The following WDR72 variants were observed in gnomAD, a reference collection of about 807,000 sequenced individuals.
WDR72 encodes WD repeat domain 72.
A neutral mutation model predicts 124.2 loss-of-function variants in WDR72; 120 were observed. The observed-to-expected ratio is 0.97, with a 90% confidence interval of 0.83 to 1.12. WDR72 has a LOEUF of 1.12. Ranked by LOEUF, WDR72 falls within the 50% of genes most tolerant of loss-of-function variation. The pLI is 0.00. For synonymous variants in WDR72, 452 were observed against 441.7 expected (o/e 1.02, Z -0.29); for missense variants, 1,387 against 1,278.8 (o/e 1.08, Z -1.29).
intron 13 of WDR72, among the ~76,000 whole-genome samples, chr15:53,691,668 T>C (rs74015888): frequency 0.19 from 25,196 of 133,572 alleles, 2,311 homozygotes; most frequent in South Asian, 0.19. Context: ...GATAGATAGA[T>C]AGATAGATGT....
In WDR72 at chr15:53,613,740, C is replaced by G. The variant is rs868868439; in HGVS notation, c.2798G>C (p.Ser933Thr). Residue 933 changes from serine to threonine, a missense_variant, in exon 16 of 20, where the codon AGT (serine) becomes ACT (threonine). By Grantham distance (58) the Ser-to-Thr change is moderately conservative (BLOSUM62 1). Transcript: ENST00000360509. The stretch of plus-strand genomic sequence containing the variant: ...AGCACCTCTCATCTTATTATGTATA[C>G]TTTCCATTCTGAAAGAACTGTTAGA... ...CRVGSSFRME[S>T]IHNKMRGAGN... 3 of 1,606,422 alleles carry G rather than the reference C, an allele frequency of 1.9e-6. No homozygotes were observed. The highest frequency in any genetic ancestry group is 2.7e-5 in the African/African-American group (2 of 74,822).
At chr15:53,644,607 T>A (rs940768736) in intron 14 of WDR72, among the ~76,000 whole-genome samples, 5 of 148,916 alleles carry the variant, frequency 3.4e-5, no homozygotes, top group Non-Finnish European at 4.4e-5. Flanking sequence ...ATTGGTGGAA[T>A]AATAGGAACA....
intron 13 of WDR72, among the ~76,000 whole-genome samples, chr15:53,668,978 A>AGAAGGG (rs2015886938): frequency 8.4e-6 from 1 of 118,466 alleles, no homozygotes; most frequent in Non-Finnish European, 1.9e-5. Context: ...GAGGAGGAGG[A>AGAAGGG]GAAGGAGAAG....
intron 16 of WDR72, 56 bp from the exon 17 acceptor site, chr15:53,609,648 T>TC: frequency 7.0e-7 from 1 of 1,433,722 alleles, no homozygotes; most frequent in Non-Finnish European, 9.8e-7. Flanking sequence ...GGATAATGGC[T>TC]CTTAAGATGG....
rs112258113 is a variant in WDR72 at position 53,705,161 on chromosome 15, A to G, written c.1175T>C (p.Ile392Thr). The G allele has an allele frequency of 8.1e-6, 13 of 1,614,140 alleles. No homozygotes were observed. Among genetic ancestry groups the G allele is most frequent in the African/African-American group, 6.7e-5 (5 of 75,060 alleles). Residue 392 changes from isoleucine (I) to threonine (T), a missense_variant, in exon 11 of 20, where the codon ATT (isoleucine) becomes ACT (threonine). By Grantham distance (89) the Ile-to-Thr change is moderately conservative. Coordinates refer to ENST00000360509, the MANE Select transcript of WDR72 (RefSeq NM_182758.4). ...DKHDTMSQSI[I>T]DYFSGLKDGA... is the part of the protein sequence containing the mutation. ...ATCTTTAAGCCCAGAGAAATAGTCA[A>G]TAATACTTTGTGACATAGTATCATG...
At chr15:53,623,432 T>C (rs2014081435) in intron 14 of WDR72, among the ~76,000 whole-genome samples, 1 of 152,138 alleles carries the variant, frequency 6.6e-6, no homozygotes, top group South Asian at 2.1e-4. Context: ...TCCATGTTGC[T>C]ACTAAGAACA....
intron 3 of WDR72, 43 bp from the exon 4 acceptor site, chr15:53,716,728 C>T (rs1321703543): frequency 1.4e-6 from 2 of 1,443,312 alleles, no homozygotes; most frequent in African/African-American, 1.4e-5. Context: ...CATTTCCACT[C>T]AATTGGCTGG....
chr15:53,747,786 T>C (rs1318361105), intron 1 of WDR72, among the ~76,000 whole-genome samples: 1 of 152,216 alleles, frequency 6.6e-6, no homozygotes, highest in Non-Finnish European at 1.5e-5. Context: ...AAATGAGCAT[T>C]AGATGTGGTA....
At chr15:53,744,747 T>C (rs1595886573) in intron 1 of WDR72, among the ~76,000 whole-genome samples, 1 of 152,210 alleles carries the variant, frequency 6.6e-6, no homozygotes, top group Non-Finnish European at 1.5e-5. Context: ...TTGACCTGGA[T>C]ACTGAAGCAA....
chr15:53,607,245 C>A (rs1242733586), intron 17 of WDR72, among the ~76,000 whole-genome samples: 2 of 151,594 alleles, frequency 1.3e-5, no homozygotes, highest in African/African-American at 4.9e-5. Context: ...AGATGAGGTA[C>A]TCTCAGAATT....
chr15:53,666,610 C>A (rs188563722), intron 13 of WDR72, among the ~76,000 whole-genome samples: 1 of 151,976 alleles, frequency 6.6e-6, no homozygotes, highest in East Asian at 1.9e-4. Context: ...ATAAAGACAC[C>A]AAGGAATACT....
At chr15:53,535,300 G>A (rs1184026472) in intron 18 of WDR72, among the ~76,000 whole-genome samples, 1 of 151,954 alleles carries the variant, frequency 6.6e-6, no homozygotes, top group African/African-American at 2.4e-5. Flanking sequence ...TTTCCTCATT[G>A]TATTGCCATG....
chr15:53,584,525 A>T (rs1313574066), intron 18 of WDR72, among the ~76,000 whole-genome samples: 1 of 152,110 alleles, frequency 6.6e-6, no homozygotes, highest in Non-Finnish European at 1.5e-5. Context: ...TAAAAAATTA[A>T]GAAAAAATAC....
rs1232871821 is a variant in WDR72 at position 53,514,112 on chromosome 15, C to CTCTT, written c.*3583_*3586dup. On this transcript the variant is annotated 3_prime_UTR_variant, in exon 20 of 20. Coordinates refer to ENST00000360509, the MANE Select transcript of WDR72 (RefSeq NM_182758.4). ...ACTCAAGTAAGTTTTAATTTTGCAA[C>CTCTT]TCTTTTGGTTAAGCTAATTTTTTAA... is the stretch of plus-strand genomic sequence containing the variant. The CTCTT allele has an allele frequency of 6.6e-6, 1 of 152,186 alleles. No homozygotes were observed. Among genetic ancestry groups the CTCTT allele is most frequent in the Non-Finnish European group, 1.5e-5 (1 of 68,022 alleles). The allele number at this position is 152,186 out of a possible 1,614,324, so 9.4% of individuals were successfully genotyped here. A position where few individuals can be genotyped will look rare whatever the true frequency, so the allele number is the denominator to read the frequency against.
At chr15:53,701,875 GGTT>G (rs1338345169) in intron 12 of WDR72, among the ~76,000 whole-genome samples, 2 of 152,068 alleles carry the variant, frequency 1.3e-5, no homozygotes, top group African/African-American at 4.8e-5. Context: ...AGAATTAAGT[GGTT>G]GTTGTAAAGC....
chr15:53,575,769 T>C (rs182391515), intron 18 of WDR72, among the ~76,000 whole-genome samples: 1 of 152,286 alleles, frequency 6.6e-6, no homozygotes, highest in East Asian at 1.9e-4. Context: ...ATGTCCATAA[T>C]TGAATTAGTG....
intron 14 of WDR72, among the ~76,000 whole-genome samples, chr15:53,647,507 T>C (rs2140421651): frequency 6.6e-6 from 1 of 152,188 alleles, no homozygotes; most frequent in African/African-American, 2.4e-5. Context: ...CATATAATTT[T>C]ATATAGAGCC....
chr15:53,524,253 T>G (rs1006645506), intron 18 of WDR72, among the ~76,000 whole-genome samples: 1 of 152,136 alleles, frequency 6.6e-6, no homozygotes, highest in Non-Finnish European at 1.5e-5. Context: ...CAATGGAATT[T>G]TATTTATTAC....
chr15:53,750,013 GA>G (rs1438472789), intron 1 of WDR72, among the ~76,000 whole-genome samples: 2 of 152,224 alleles, frequency 1.3e-5, no homozygotes, highest in African/African-American at 4.8e-5. Flanking sequence ...TGCTGATGGA[GA>G]AGCTACAGAA....
Sources: allele counts gnomAD v4.1 joint callset (sites outside exome capture counted in the v4.1 genomes callset), GRCh38; gene constraint gnomAD v4.1.1; transcripts MANE v1.5; gene names NCBI Gene and HGNC (gene_info 2026-07-23, HGNC 2026-07-21).